Variants in WFS1 observed in about 807,000 individuals in gnomAD.
WFS1 encodes the protein wolframin ER transmembrane glycoprotein.
Under a neutral mutation model 68.5 loss-of-function variants are expected in WFS1, and 90 were observed. The observed-to-expected ratio is 1.31, with a 90% CI of 1.11 to 1.56. The LOEUF (loss-of-function observed/expected upper bound fraction) is 1.56, where lower values mean the gene tolerates loss of function less well. Ranked by LOEUF, WFS1 falls within the 40% of genes most tolerant of loss-of-function variation. The pLI, the probability that WFS1 is intolerant of heterozygous loss-of-function variation, is 0.00. For synonymous variants in WFS1, 860 were observed against 540.7 expected (o/e 1.59, Z -8.19); for missense variants, 1,767 against 1,232.6 (o/e 1.43, Z -6.49).
At position 6,302,007 on chromosome 4, in the gene WFS1, G is replaced by A. The variant is rs563972671; in HGVS notation, c.2212G>A (p.Ala738Thr). The A allele has an allele frequency of 9.3e-6, 15 of 1,612,568 alleles. No individual in the cohort carries two copies. The highest frequency in any genetic ancestry group is 5.0e-5 in the Admixed American group (3 of 59,980). The change falls in exon 8 of 8, where the codon GCC (alanine) becomes ACC (threonine). Residue 738 changes from alanine (A) to threonine (T), a missense_variant. Ala to Thr is a moderately conservative substitution (Grantham distance 58). Coordinates refer to ENST00000226760, the MANE Select transcript of WFS1 (RefSeq NM_006005.3). Reference protein sequence around the residue: ...GDWMRCLYGEAYPACSPGNTS... With the variant: ...GDWMRCLYGETYPACSPGNTS... ...CTGGATGCGCTGCCTCTACGGCGAGGCCTACCCTGCCTGCAGCCCTGGCAA... is the reference window on the plus strand; with the variant it reads ...CTGGATGCGCTGCCTCTACGGCGAGACCTACCCTGCCTGCAGCCCTGGCAA...
Position 6,300,823 on chromosome 4 carries a change from T to C in WFS1, c.1028T>C (p.Phe343Ser), listed in dbSNP as rs1193047205. ...VSNLTIDFFA[F>S]FIPLVIFYLS... ...AACCTCACCATCGACTTCTTCGCCT[T>C]CTTCATCCCGCTGGTCATCTTCTAC... Residue 343 changes from phenylalanine to serine, a missense_variant, in exon 8 of 8, where the codon TTC becomes TCC. Transcript: ENST00000226760. 9 of 1,613,938 alleles carry C rather than the reference T, an allele frequency of 5.6e-6. No individual in the cohort carries two copies. Among genetic ancestry groups the C allele is most frequent in the Admixed American group, 5.0e-5 (3 of 59,992 alleles).
intron 6 of WFS1, among the ~76,000 whole-genome samples, chr4:6,293,346 G>GC (rs1730522839): frequency 5.3e-5 from 8 of 152,142 alleles, no homozygotes; most frequent in Admixed American, 3.3e-4. Context: ...CAGGGCCCCA[G>GC]CACCCCCATT....
rs1238351685 is a variant in WFS1 at position 6,287,229 on chromosome 4, G to C, written c.315+54G>C. On this transcript the variant is annotated intron_variant, in intron 3 of 7. Coordinates refer to ENST00000226760, the MANE Select transcript of WFS1 (RefSeq NM_006005.3). This position sits in a 1 kb window ranked among gnomAD's most constrained non-coding sequence, Gnocchi z 6.4. ...CGGGACGCGGCCCCCGGCACAACAG[G>C]CCTGGCCACGAGCTCCACAGCCCAC... is the stretch of plus-strand genomic sequence containing the variant. 4.1e-6 allele frequency: 6 copies of C among 1,463,750 alleles called. No homozygotes were observed. In the East Asian group the frequency reaches 1.5e-4, roughly 36 times the overall value. The allele number at this position is 1,463,750 out of a possible 1,614,324, so 90.7% of individuals were successfully genotyped here. A position where few individuals can be genotyped will look rare whatever the true frequency, so the allele number is the denominator to read the frequency against.
chr4:6,275,684 C>T (rs1356043259), intron 1 of WFS1, among the ~76,000 whole-genome samples: 4 of 152,028 alleles, frequency 2.6e-5, no homozygotes, highest in African/African-American at 9.7e-5. Context: ...GAGGGAGGAA[C>T]GTGTGGATTG....
At chr4:6,298,934 G>C (rs1330410312) in intron 7 of WFS1, among the ~76,000 whole-genome samples, 2 of 152,226 alleles carry the variant, frequency 1.3e-5, no homozygotes, top group Non-Finnish European at 2.9e-5. Flanking sequence ...CTCCAGCCTG[G>C]ATGTGTCATG....
chr4:6,294,794 G>A (rs962557445), intron 6 of WFS1: 4 of 538,648 alleles, frequency 7.4e-6, no homozygotes, highest in African/African-American at 5.7e-5. Flanking sequence ...CTTGGGGTGG[G>A]GGACAGCACA....
intron 6 of WFS1, 132 bp downstream of exon 6, chr4:6,292,129 G>C: frequency 1.1e-6 from 1 of 897,326 alleles, no homozygotes; most frequent in East Asian, 2.6e-5. Flanking sequence ...CCTGCAGGGC[G>C]ACCTCTCCTT....
At chr4:6,288,726 G>T in intron 3 of WFS1, 2 of 527,344 alleles carry the variant, frequency 3.8e-6, no homozygotes, top group Admixed American at 5.6e-5. Flanking sequence ...AAGAGAACCT[G>T]TACCAGTACC....
At chr4:6,289,156 A>C in intron 4 of WFS1, 25 bp downstream of exon 4, 1 of 1,558,468 alleles carries the variant, frequency 6.4e-7, no homozygotes, top group Non-Finnish European at 8.7e-7. Context: ...GGCTTAGAAC[A>C]GCCTCTGGAG....
At chr4:6,295,264 A>C in intron 7 of WFS1, 75 bp downstream of exon 7, 3 of 1,583,044 alleles carry the variant, frequency 1.9e-6, no homozygotes, top group Middle Eastern at 2.3e-4. Context: ...GGCACCTTCC[A>C]GGAAGCTGCA....
chr4:6,295,500 G>C (rs1409089800), intron 7 of WFS1, among the ~76,000 whole-genome samples: 1 of 152,154 alleles, frequency 6.6e-6, no homozygotes, highest in Non-Finnish European at 1.5e-5. Context: ...CGGGCTGGAC[G>C]CAGACTTTCA....
At chr4:6,292,613 T>C (rs1409702768) in intron 6 of WFS1, among the ~76,000 whole-genome samples, 3 of 152,090 alleles carry the variant, frequency 2.0e-5, no homozygotes, top group Non-Finnish European at 4.4e-5. Flanking sequence ...CTGTCTTCCA[T>C]CCACGTGGGG....
intron 1 of WFS1, among the ~76,000 whole-genome samples, chr4:6,273,493 G>T (rs1296113916): frequency 6.6e-6 from 1 of 152,176 alleles, no homozygotes; most frequent in East Asian, 1.9e-4. Context: ...GCTGGGGTCT[G>T]GGGGAGGGAC....
chr4:6,286,894 G>A (rs899736344), intron 2 of WFS1, among the ~76,000 whole-genome samples, 199 bp from the exon 3 acceptor site: 1 of 152,172 alleles, frequency 6.6e-6, no homozygotes, highest in African/African-American at 2.4e-5. Context: ...TTGCTCTGGC[G>A]CTGCTTGTGA....
At position 6,303,059 on chromosome 4, in the gene WFS1, TCATGACCCTCCTGTC is replaced by T. The variant is rs2109128750; in HGVS notation, c.*594_*608del. The T allele has an allele frequency of 6.3e-6, 1 of 159,994 alleles. No homozygotes were observed. The highest frequency in any genetic ancestry group is 1.8e-4 in the East Asian group (1 of 5,528). 9.9% of individuals were successfully genotyped at this position (159,994 alleles called of 1,614,324 possible). On this transcript the variant is annotated 3_prime_UTR_variant, in exon 8 of 8. Coordinates refer to ENST00000226760, the MANE Select transcript of WFS1 (RefSeq NM_006005.3). ...ACTGAGCTGGGCACCACAGGCTGCC[TCATGACCCTCCTGTC>T]CAGCAGGTAGTGGGTGAATGTGTGA...
chr4:6,277,046 A>G (rs1730013654), intron 1 of WFS1, among the ~76,000 whole-genome samples: 1 of 152,242 alleles, frequency 6.6e-6, no homozygotes, highest in African/African-American at 2.4e-5. Flanking sequence ...ATTCACAGAC[A>G]TTGGTGGGCA....
At chr4:6,294,147 G>T (rs565701080) in intron 6 of WFS1, among the ~76,000 whole-genome samples, 8 of 152,324 alleles carry the variant, frequency 5.3e-5, no homozygotes, top group Admixed American at 3.3e-4. Flanking sequence ...GGTTTCTGCA[G>T]CACCCTGGCT....
At chr4:6,298,115 C>T (rs542633596) in intron 7 of WFS1, among the ~76,000 whole-genome samples, 1 of 152,228 alleles carries the variant, frequency 6.6e-6, no homozygotes, top group Admixed American at 6.5e-5. Context: ...CCGTGGCGGT[C>T]GTGCGTGAAA....
intron 1 of WFS1, 134 bp downstream of exon 1, chr4:6,270,148 T>A (rs913074779): frequency 2.0e-5 from 3 of 152,226 alleles, no homozygotes; most frequent in African/African-American, 7.2e-5. Context: ...GGCCCCAAAG[T>A]CCCGACAAGG....
Sources: gnomAD v4.1 joint callset for allele counts (sites outside exome capture counted in the v4.1 genomes callset) on GRCh38, gnomAD v4.1.1 for gene constraint, Gnocchi (gnomAD v3.1) non-coding constraint, MANE v1.5 for transcripts, NCBI Gene and HGNC (gene_info 2026-07-23, HGNC 2026-07-21) for gene names.